Variants in CNBD1 observed in about 807,000 individuals in gnomAD.
CNBD1 encodes the protein cyclic nucleotide binding domain containing 1.
Under a neutral mutation model 54.4 loss-of-function variants are expected in CNBD1, and 71 were observed. That is an observed-to-expected ratio of 1.30 (90% CI 1.08 to 1.59). The LOEUF (loss-of-function observed/expected upper bound fraction) is 1.59, where lower values mean the gene tolerates loss of function less well. Ranked by LOEUF, CNBD1 falls within the 40% of genes most tolerant of loss-of-function variation. The probability of loss-of-function intolerance (pLI) is 0.00; values close to 1 mark genes in which losing one functional copy is unlikely to be tolerated. For synonymous variants in CNBD1, 182 were observed against 170.7 expected (o/e 1.07, Z -0.51); for missense variants, 659 against 518.0 (o/e 1.27, Z -2.64).
At chr8:87,356,355 C>T (rs748945682) in intron 10 of CNBD1, among the ~76,000 whole-genome samples, 1 of 152,112 alleles carries the variant, frequency 6.6e-6, no homozygotes, top group African/African-American at 2.4e-5. Context: ...GAACAAAATA[C>T]TGATAGAAGT....
intron 1 of CNBD1, among the ~76,000 whole-genome samples, chr8:86,885,573 A>C (rs781226306): frequency 5.3e-5 from 8 of 152,212 alleles, no homozygotes; most frequent in Non-Finnish European, 1.2e-4. Context: ...TCCCTGTATT[A>C]AATTTGATCA....
intron 2 of CNBD1, among the ~76,000 whole-genome samples, chr8:87,406,471 CACACACA>C (rs1190278654): frequency 5.8e-5 from 8 of 137,134 alleles, no homozygotes; most frequent in Non-Finnish European, 7.6e-5. Flanking sequence ...CACACACACA[CACACACA>C]CTTTTTTTTT....
chr8:87,257,569 G>C (rs907232512), intron 6 of CNBD1, among the ~76,000 whole-genome samples: 2 of 151,996 alleles, frequency 1.3e-5, no homozygotes, highest in African/African-American at 4.8e-5. Flanking sequence ...TATTTTCCAT[G>C]ATAAGTCATG....
intron 8 of CNBD1, among the ~76,000 whole-genome samples, chr8:87,306,775 G>T (rs1809160598): frequency 6.6e-6 from 1 of 152,016 alleles, no homozygotes; most frequent in Admixed American, 6.6e-5. Context: ...AGTGGGAGGG[G>T]GGTGAGGGAT....
intron 10 of CNBD1, among the ~76,000 whole-genome samples, chr8:87,370,955 GTT>G (rs2130947851): frequency 6.6e-6 from 1 of 151,086 alleles, no homozygotes; most frequent in Non-Finnish European, 1.5e-5. Context: ...TGGCTAGCCA[GTT>G]TTCCCAGCAC....
intron 4 of CNBD1, among the ~76,000 whole-genome samples, chr8:87,141,596 G>C (rs1812370689): frequency 6.6e-6 from 1 of 151,958 alleles, no homozygotes; most frequent in Admixed American, 6.6e-5. Flanking sequence ...GCTTATTTCA[G>C]TGGTTGATTT....
At chr8:87,328,360 A>G (rs1033285981) in intron 8 of CNBD1, among the ~76,000 whole-genome samples, 1 of 151,780 alleles carries the variant, frequency 6.6e-6, no homozygotes, top group Non-Finnish European at 1.5e-5. Context: ...TCTTTTAACT[A>G]CTTTATTTAA....
intron 10 of CNBD1, among the ~76,000 whole-genome samples, chr8:87,362,525 G>A (rs1810543168): frequency 6.6e-6 from 1 of 152,018 alleles, no homozygotes. Context: ...TATTACTATA[G>A]CTAATGCTTG....
intron 4 of CNBD1, among the ~76,000 whole-genome samples, chr8:87,074,140 G>A (rs550806815): frequency 6.5e-4 from 99 of 151,372 alleles, no homozygotes; most frequent in African/African-American, 2.3e-3. Flanking sequence ...CTGCTTTTTG[G>A]TAGAGCAGGT....
At chr8:86,941,142 CTT>C (rs1809648680) in intron 4 of CNBD1, among the ~76,000 whole-genome samples, 1 of 152,212 alleles carries the variant, frequency 6.6e-6, no homozygotes, top group East Asian at 1.9e-4. Context: ...TTTTTATACT[CTT>C]AACTTATAAT....
intron 4 of CNBD1, among the ~76,000 whole-genome samples, chr8:86,984,183 C>T (rs1484344285): frequency 6.6e-6 from 1 of 152,192 alleles, no homozygotes; most frequent in Non-Finnish European, 1.5e-5. Flanking sequence ...GTAAAAGCCC[C>T]AGGCCTTGGC....
intron 4 of CNBD1, among the ~76,000 whole-genome samples, chr8:87,087,526 C>T (rs1248118603): frequency 1.0e-4 from 15 of 146,232 alleles, no homozygotes; most frequent in East Asian, 8.0e-4. Context: ...TGCAGTGGCG[C>T]GATCTCGGCT....
chr8:86,953,870 AAAATAAAAAAATC>A (rs1807690503), intron 4 of CNBD1, among the ~76,000 whole-genome samples: 2 of 151,568 alleles, frequency 1.3e-5, no homozygotes, highest in African/African-American at 2.4e-5. Context: ...CTGTCTCAAA[AAAATAAAAAAATC>A]CTATGTAACT....
At chr8:87,118,219 G>A (rs961829723) in intron 4 of CNBD1, among the ~76,000 whole-genome samples, 11 of 149,614 alleles carry the variant, frequency 7.4e-5, no homozygotes, top group Admixed American at 5.4e-4. Flanking sequence ...GGAGGCTGAG[G>A]CAGGAGAATT....
chr8:86,911,187 C>T lies in CNBD1; in HGVS notation c.272+5993C>T, dbSNP rs1050134686. Among the ~76,000 whole-genome samples the T allele has an allele frequency of 1.1e-4, 16 of 152,174 alleles. No individual in the cohort carries two copies. In the East Asian group the frequency reaches 1.5e-3, roughly 15 times the overall value. ...CCTTTTCTATTGGCACAGCTGTTGG[C>T]ATTCACCCATGCAAGCTTTTAGCTT... is the stretch of plus-strand genomic sequence containing the variant. On this transcript the variant is annotated intron_variant, in intron 3 of 10. Transcript: ENST00000518476.
chr8:86,926,307 C>T (rs1006247651), intron 3 of CNBD1, among the ~76,000 whole-genome samples: 1 of 152,088 alleles, frequency 6.6e-6, no homozygotes, highest in African/African-American at 2.4e-5. Context: ...GTTGTAGTGT[C>T]CTCCAGAGGG....
intron 4 of CNBD1, among the ~76,000 whole-genome samples, chr8:87,134,546 T>C (rs774100585): frequency 5.9e-5 from 9 of 151,850 alleles, no homozygotes; most frequent in Admixed American, 2.6e-4. Context: ...TCAGAACTTA[T>C]TGTAATTGCC....
At chr8:87,278,124 C>G (rs1312479192) in intron 6 of CNBD1, among the ~76,000 whole-genome samples, 1 of 151,240 alleles carries the variant, frequency 6.6e-6, no homozygotes, top group African/African-American at 2.4e-5. Flanking sequence ...ATTAGTAGAA[C>G]ATGTCATAAG....
chr8:86,875,102 G>A (rs575398722), intron 1 of CNBD1, among the ~76,000 whole-genome samples: 1 of 150,146 alleles, frequency 6.7e-6, no homozygotes, highest in Non-Finnish European at 1.5e-5. Context: ...CTCCCTTTCT[G>A]TATTTCTAAC....
Sources: allele counts gnomAD v4.1 joint callset (sites outside exome capture counted in the v4.1 genomes callset), GRCh38; gene constraint gnomAD v4.1.1; transcripts MANE v1.5; gene names NCBI Gene and HGNC (gene_info 2026-07-23, HGNC 2026-07-21).